The following ASAH1 variants were observed in gnomAD, a reference collection of about 807,000 sequenced individuals.
The protein encoded by ASAH1 is N-acylsphingosine amidohydrolase 1.
In ASAH1, 70 loss-of-function variants were observed where a neutral mutation model predicts 59.5. The observed-to-expected ratio is 1.18, with a 90% CI of 0.97 to 1.43. ASAH1 has a LOEUF of 1.43. Among genes scored for constraint, ASAH1 ranks in the 40% most tolerant of loss-of-function variants. The probability of loss-of-function intolerance (pLI) is 0.00; values close to 1 mark genes in which losing one functional copy is unlikely to be tolerated. For missense variants in ASAH1, 660 were observed against 482.5 expected (o/e 1.37, Z -3.45); for synonymous variants, 213 against 166.5 (o/e 1.28, Z -2.15).
chr8:18,060,411 G>C (rs1428810242), intron 10 of ASAH1: 1 of 152,726 alleles, frequency 6.5e-6, no homozygotes, highest in Non-Finnish European at 1.5e-5. Flanking sequence ...TAATCTGAAG[G>C]AGAAACAAAG....
chr8:18,061,804 C>T, intron 8 of ASAH1, 64 bp from the exon 9 acceptor site: 1 of 1,434,762 alleles, frequency 7.0e-7, no homozygotes. Context: ...CCCTGTCGCT[C>T]ACTGTACTTC....
intron 6 of ASAH1, chr8:18,064,244 T>C: frequency 3.4e-6 from 2 of 585,176 alleles, no homozygotes; most frequent in Admixed American, 3.1e-5. Context: ...GTTTTTTGCA[T>C]GTCTGAAATC....
chr8:18,083,869 A>AAGCTGCCCAGCACGAGGTGTTCC, intron 1 of ASAH1, 112 bp downstream of exon 1: 1 of 1,523,506 alleles, frequency 6.6e-7, no homozygotes, highest in Non-Finnish European at 8.8e-7. Context: ...CCCCGTAAAG[A>AAGCTGCCCAGCACGAGGTGTTCC]AGCTGCCCAG....
intron 6 of ASAH1, 175 bp from the exon 7 acceptor site, chr8:18,063,405 G>A: frequency 1.6e-6 from 1 of 639,454 alleles, no homozygotes; most frequent in Non-Finnish European, 2.8e-6. Flanking sequence ...CCAGGTTCAA[G>A]CAATTCTTGT....
intron 10 of ASAH1, chr8:18,061,112 T>G: frequency 2.9e-6 from 1 of 344,074 alleles, no homozygotes; most frequent in South Asian, 3.0e-5. Context: ...GTGGGTCATT[T>G]TTTTTCTGTA....
At chr8:18,084,611 T>A, upstream of ASAH1, 1 of 1,604,984 alleles carries the variant, frequency 6.2e-7, no homozygotes, top group Admixed American at 1.7e-5. Flanking sequence ...CAAGGAGCAG[T>A]TGAGTGGCCG....
At chr8:18,075,437 G>T in intron 2 of ASAH1, 104 bp downstream of exon 2, 2 of 1,210,822 alleles carry the variant, frequency 1.7e-6, no homozygotes, top group South Asian at 1.2e-5. Flanking sequence ...TGGGAAACAT[G>T]ACTTAAGATT....
intron 2 of ASAH1, among the ~76,000 whole-genome samples, chr8:18,071,911 G>A (rs977037399): frequency 6.6e-6 from 1 of 152,150 alleles, no homozygotes. Flanking sequence ...GAACCTTCAT[G>A]ATTCTGTCAG....
At chr8:18,067,409 A>T in intron 4 of ASAH1, 111 bp from the exon 5 acceptor site, 1 of 682,718 alleles carries the variant, frequency 1.5e-6, no homozygotes, top group Non-Finnish European at 2.1e-6. Flanking sequence ...GTTCTTGGAC[A>T]TATAATTTTT....
intron 4 of ASAH1, chr8:18,068,555 G>A (rs1038898656): frequency 6.6e-6 from 1 of 152,198 alleles, no homozygotes; most frequent in Non-Finnish European, 1.5e-5. Flanking sequence ...TCAGCCGCTA[G>A]GGCAATGATT....
chr8:18,075,730 C>A, intron 1 of ASAH1, 143 bp from the exon 2 acceptor site: 1 of 719,310 alleles, frequency 1.4e-6, no homozygotes. Context: ...TAAAATAAGT[C>A]TTTTCTTTCC....
chr8:18,059,327 C>T lies in ASAH1; in HGVS notation c.1041+14G>A. ...GGCAACAGTTTCTTTCTATAGATGA[C>T]CCTGCAAAGGTACCTCTTGGCTGGT... On this transcript the variant is annotated intron_variant, in intron 12 of 13. Coordinates refer to ENST00000637790, the MANE Select transcript of ASAH1 (RefSeq NM_177924.5). 1 of 1,614,172 alleles carries T rather than the reference C, an allele frequency of 6.2e-7. No individual in the cohort carries two copies. The highest frequency in any genetic ancestry group is 8.5e-7 in the Non-Finnish European group (1 of 1,180,034).
At chr8:18,067,081 G>T in intron 5 of ASAH1, 139 bp downstream of exon 5, 3 of 200,840 alleles carry the variant, frequency 1.5e-5, no homozygotes, top group Non-Finnish European at 2.3e-5. Context: ...GCTTCACTGA[G>T]CTGTATATCT....
chr8:18,070,541 C>G (rs554904884), intron 3 of ASAH1, among the ~76,000 whole-genome samples: 1 of 152,280 alleles, frequency 6.6e-6, no homozygotes, highest in South Asian at 2.1e-4. Context: ...GCCTCAGCCT[C>G]CCAAAGTACT....
Position 18,057,113 on chromosome 8 carries a change from C to T in ASAH1, c.*421G>A, listed in dbSNP as rs747183250. 19 of 181,290 alleles carry T rather than the reference C, an allele frequency of 1.0e-4. No homozygotes were observed. The South Asian group carries it at 1.4e-3, about 14-fold the overall frequency. The allele number at this position is 181,290 out of a possible 1,614,324, so 11.2% of individuals were successfully genotyped here. A position where few individuals can be genotyped will look rare whatever the true frequency, so the allele number is the denominator to read the frequency against. ...AAAGGCTGTTATACAGAAAAACATACAAATATGTAGGTAGAAGTGAAAAAC... is the reference window on the plus strand; with the variant it reads ...AAAGGCTGTTATACAGAAAAACATATAAATATGTAGGTAGAAGTGAAAAAC... On this transcript the variant is annotated 3_prime_UTR_variant, in exon 14 of 14. Transcript: ENST00000637790.
At chr8:18,073,432 A>G (rs1332763339) in intron 2 of ASAH1, among the ~76,000 whole-genome samples, 1 of 152,236 alleles carries the variant, frequency 6.6e-6, no homozygotes, top group African/African-American at 2.4e-5. Context: ...GCCATTCATA[A>G]TATCAGCAAC....
rs1406240192 is a variant in ASAH1, at chr8:18,064,493, T to G, written c.421A>C (p.Thr141Pro). 6 of 1,581,024 alleles carry G rather than the reference T, an allele frequency of 3.8e-6. No homozygotes were observed. The highest frequency in any genetic ancestry group is 4.3e-6 in the Non-Finnish European group (5 of 1,152,538). The change falls in exon 6 of 14, where the codon ACC becomes CCC. Residue 141 changes from threonine (T) to proline (P), a missense_variant. By Grantham distance (38) the Thr-to-Pro change is conservative. Coordinates refer to ENST00000637790, the MANE Select transcript of ASAH1 (RefSeq NM_177924.5). ...TCTGCTACTATTGAAGTACAAATGG[T>G]AAATAATTCATAAAAAATATTGAAT... Reference protein sequence around the residue: ...ISFNIFYELFTICTSIVAEDK... With the variant: ...ISFNIFYELFPICTSIVAEDK...
At chr8:18,068,999 G>C (rs1239961569) in intron 4 of ASAH1, among the ~76,000 whole-genome samples, 1 of 152,056 alleles carries the variant, frequency 6.6e-6, no homozygotes, top group African/African-American at 2.4e-5. Flanking sequence ...AAAGTAGCTG[G>C]GTGTGGCGGC....
chr8:18,063,012 G>A, intron 7 of ASAH1, 173 bp downstream of exon 7: 2 of 619,102 alleles, frequency 3.2e-6, no homozygotes, highest in Admixed American at 2.4e-5. Context: ...CGGGATTACA[G>A]ATGCCCACCA....
Sources: gnomAD v4.1 joint callset for allele counts (sites outside exome capture counted in the v4.1 genomes callset) on GRCh38, gnomAD v4.1.1 for gene constraint, MANE v1.5 for transcripts, NCBI Gene and HGNC (gene_info 2026-07-23, HGNC 2026-07-21) for gene names.